Variants in ZNF726 observed in about 807,000 individuals in gnomAD.
The protein encoded by ZNF726 is zinc finger protein 726, also known as zinc finger protein 92 pseudogene 3.
In ZNF726, 15 loss-of-function variants were observed where a neutral mutation model predicts 11.6. The ratio of observed to expected loss-of-function variants is 1.29; its 90% CI spans 0.86 to 1.99. The LOEUF is 1.99. ZNF726 is among the 30% of genes most tolerant of loss of function. The pLI, the probability that ZNF726 is intolerant of heterozygous loss-of-function variation, is 0.00. For missense variants in ZNF726, 890 were observed against 725.6 expected, an observed-to-expected ratio of 1.23 and a Z score of -2.60; for synonymous variants, 295 against 243.6, an observed-to-expected ratio of 1.21 and a Z score of -1.96.
downstream of ZNF726, among the ~76,000 whole-genome samples, chr19:23,939,028 A>G (rs1315278502): frequency 6.6e-6 from 1 of 151,960 alleles, no homozygotes; most frequent in Non-Finnish European, 1.5e-5. Context: ...TAGATGAGTT[A>G]AGTTCTTTAG....
intron 1 of ZNF726, among the ~76,000 whole-genome samples, chr19:23,918,124 A>G (rs1967749640): frequency 6.6e-6 from 1 of 152,156 alleles, no homozygotes; most frequent in East Asian, 1.9e-4. Flanking sequence ...CGGGAGGGGT[A>G]ATTCACAGAG....
intron 1 of ZNF726, among the ~76,000 whole-genome samples, chr19:23,917,691 A>G (rs1967738112): frequency 6.6e-6 from 1 of 152,128 alleles, no homozygotes; most frequent in Non-Finnish European, 1.5e-5. Context: ...TTTAATACAA[A>G]TAATAAAATA....
chr19:23,939,360 T>C (rs1019266090), downstream of ZNF726, among the ~76,000 whole-genome samples: 2 of 152,162 alleles, frequency 1.3e-5, no homozygotes, highest in Admixed American at 6.5e-5. Context: ...CTTTATCTGT[T>C]TGTTGATTGA....
downstream of ZNF726, among the ~76,000 whole-genome samples, chr19:23,937,110 G>A (rs867867122): frequency 4.1e-3 from 601 of 147,064 alleles, no homozygotes; most frequent in African/African-American, 0.014. Context: ...CCTCCCTCCC[G>A]GCCGGGGCGG....
Position 23,933,553 on chromosome 19 carries a change from A to G in ZNF726, c.1437A>G (p.Lys479=). ...TTHKRMHTGE[K]PYKCEECGKA... ...ATAAGAGGATGCACACTGGAGAGAA[A>G]CCCTACAAATGTGAAGAATGTGGCA... Residue 479 remains lysine (K), a synonymous_variant, in exon 4 of 4, where the codon AAA becomes AAG. Coordinates refer to ENST00000594466, the MANE Select transcript of ZNF726 (RefSeq NM_001244038.2). The G allele has an allele frequency of 2.5e-6, 4 of 1,612,802 alleles. No individual in the cohort carries two copies. The highest frequency in any genetic ancestry group is 2.2e-5 in the East Asian group (1 of 44,840).
Position 23,933,919 on chromosome 19 carries a change from A to T in ZNF726, c.1803A>T (p.Ser601=). ...ACAAGTGTGACGAATGTGGCAAATC[A>T]TTTATCTGGTCCTCAACCCTTTTTA... is the stretch of plus-strand genomic sequence containing the variant. The part of the protein sequence containing the change: ...KPYKCDECGK[S]FIWSSTLFKH... The change falls in exon 4 of 4, where the codon TCA becomes TCT. Residue 601 remains serine (S), a synonymous_variant. Coordinates refer to ENST00000594466, the MANE Select transcript of ZNF726 (RefSeq NM_001244038.2). 6.3e-7 allele frequency: 1 copy of T among 1,585,928 alleles called. No homozygotes were observed. The highest frequency in any genetic ancestry group is 8.6e-7 in the Non-Finnish European group (1 of 1,165,820).
In ZNF726 at chr19:23,932,825, G is replaced by C; in HGVS notation, c.709G>C (p.Ala237Pro). ...CTACAAATGTGAAGAATATGGCAAA[G>C]CTTTTAATCAATCCTCAAATTATAC... Reference protein sequence around the residue: ...KPYKCEEYGKAFNQSSNYTTH... With the variant: ...KPYKCEEYGKPFNQSSNYTTH... Residue 237 changes from alanine to proline, a missense_variant, in exon 4 of 4, where the codon GCT becomes CCT. Coordinates refer to ENST00000594466, the MANE Select transcript of ZNF726 (RefSeq NM_001244038.2). 1 of 1,607,614 alleles carries C rather than the reference G, an allele frequency of 6.2e-7. No homozygotes were observed. The highest frequency in any genetic ancestry group is 1.1e-5 in the South Asian group (1 of 90,518).
At chr19:23,938,456 C>T (rs929772350), downstream of ZNF726, among the ~76,000 whole-genome samples, 1 of 152,022 alleles carries the variant, frequency 6.6e-6, no homozygotes, top group African/African-American at 2.4e-5. Flanking sequence ...GTAAATCTAT[C>T]CTCTGTACTT....
At position 23,933,664 on chromosome 19, in the gene ZNF726, A is replaced by G. The variant is rs1301283726; in HGVS notation, c.1548A>G (p.Lys516=). The G allele has an allele frequency of 6.2e-7, 1 of 1,612,594 alleles. No individual in the cohort carries two copies. Among genetic ancestry groups the G allele is most frequent in the African/African-American group, 1.3e-5 (1 of 75,032 alleles). Residue 516 remains lysine (K), a synonymous_variant, in exon 4 of 4, where the codon AAA becomes AAG. Transcript: ENST00000594466. ...CCTACAAATGTGAAGAATGTGGCAA[A>G]GCATTTATATTGTCCTCGACCCTAT... ...EKPYKCEECG[K]AFILSSTLSK...
intron 2 of ZNF726, 99 bp from the exon 3 acceptor site, chr19:23,919,888 A>G: frequency 1.5e-6 from 1 of 654,574 alleles, no homozygotes; most frequent in Admixed American, 3.7e-5. Context: ...GGATAAATTT[A>G]TTAGAATATT....
chr19:23,929,427 T>C (rs769186724), intron 3 of ZNF726: 18 of 168,004 alleles, frequency 1.1e-4, no homozygotes, highest in Non-Finnish European at 2.0e-4. Context: ...GTGAAAGGCA[T>C]GTCTCACATG....
At chr19:23,942,380 A>T (rs1317145195) in intron 3 of ZNF726, among the ~76,000 whole-genome samples, 1 of 152,148 alleles carries the variant, frequency 6.6e-6, no homozygotes, top group Non-Finnish European at 1.5e-5. Context: ...ATGGCCTATC[A>T]TATGATCTAT....
At chr19:23,944,673 T>A (rs780618703) in intron 4 of ZNF726, 3 of 201,078 alleles carry the variant, frequency 1.5e-5, no homozygotes, top group African/African-American at 2.4e-5. Flanking sequence ...GTCCCGTTTG[T>A]CTATTTTTAA....
Position 23,933,051 on chromosome 19 carries a change from C to A in ZNF726, c.935C>A (p.Pro312His), listed in dbSNP as rs1465617784. Residue 312 changes from proline (P) to histidine (H), a missense_variant, in exon 4 of 4, where the codon CCC becomes CAC. Transcript: ENST00000594466. Reference sequence around the variant, plus strand: ...AAGAGGATGCACATTGGAGAGAAACCCTACAAATGTGAAGAATGTGGCAAA... The same window carrying A: ...AAGAGGATGCACATTGGAGAGAAACACTACAAATGTGAAGAATGTGGCAAA... ...IHKRMHIGEK[P>H]YKCEECGKAF... 1.2e-6 allele frequency: 2 copies of A among 1,613,482 alleles called. No homozygotes were observed. The highest frequency in any genetic ancestry group is 1.3e-5 in the African/African-American group (1 of 74,874).
chr19:23,940,811 G>T (rs1040294110), intron 3 of ZNF726, among the ~76,000 whole-genome samples: 20 of 152,122 alleles, frequency 1.3e-4, no homozygotes, highest in African/African-American at 4.3e-4. Context: ...GTAAATAAAA[G>T]AACTACTGAT....
At chr19:23,916,591 A>G (rs1394272456) in intron 1 of ZNF726, among the ~76,000 whole-genome samples, 2 of 152,184 alleles carry the variant, frequency 1.3e-5, no homozygotes, top group African/African-American at 4.8e-5. Flanking sequence ...TCGGCCTCCC[A>G]AAGAGCTGGG....
At chr19:23,929,139 T>C (rs1317376117) in intron 3 of ZNF726, 1 of 152,186 alleles carries the variant, frequency 6.6e-6, no homozygotes, top group Non-Finnish European at 1.5e-5. Flanking sequence ...GTTACTACTT[T>C]TATTGTGATT....
intron 2 of ZNF726, chr19:23,919,701 C>A: frequency 1.6e-6 from 1 of 620,268 alleles, no homozygotes. Flanking sequence ...GTGTCTTTCG[C>A]TTTAGATTAG....
At position 23,933,518 on chromosome 19, in the gene ZNF726, C is replaced by A; in HGVS notation, c.1402C>A (p.Leu468Ile). ...CSKAFSRSSA[L>I]TTHKRMHTGE... Reference sequence around the variant, plus strand: ...TAAAGCATTTAGCCGATCCTCAGCCCTAACTACACATAAGAGGATGCACAC... The same window carrying A: ...TAAAGCATTTAGCCGATCCTCAGCCATAACTACACATAAGAGGATGCACAC... Residue 468 changes from leucine (L) to isoleucine (I), a missense_variant, in exon 4 of 4, where the codon CTA (leucine) becomes ATA (isoleucine). Physicochemically the swap from Leu to Ile is conservative, Grantham distance 5. Transcript: ENST00000594466. 2.5e-6 allele frequency: 4 copies of A among 1,612,596 alleles called. No individual in the cohort carries two copies. Among genetic ancestry groups the A allele is most frequent in the Non-Finnish European group, 3.4e-6 (4 of 1,179,906 alleles).
Sources: allele counts gnomAD v4.1 joint callset (sites outside exome capture counted in the v4.1 genomes callset), GRCh38; gene constraint gnomAD v4.1.1; transcripts MANE v1.5; gene names NCBI Gene and HGNC (gene_info 2026-07-23, HGNC 2026-07-21).